Variants in DKK2 observed in about 807,000 individuals in gnomAD.
The protein encoded by DKK2 is dickkopf-related protein 2.
In DKK2, 11 loss-of-function variants were observed where a neutral mutation model predicts 28.1. The observed-to-expected ratio is 0.39, with a 90% confidence interval of 0.25 to 0.65. The LOEUF (loss-of-function observed/expected upper bound fraction) is 0.65, where lower values mean the gene tolerates loss of function less well. Among genes scored for constraint, DKK2 ranks in the 30% least tolerant of loss-of-function variants. The pLI is 0.47. For missense variants in DKK2, 326 were observed against 335.5 expected (o/e 0.97, Z 0.22); for synonymous variants, 135 against 126.5 (o/e 1.07, Z -0.45).
Position 107,035,654 on chromosome 4 carries a change from G to C in DKK2, c.-63C>G. 1 of 1,580,422 alleles carries C rather than the reference G, an allele frequency of 6.3e-7. No individual in the cohort carries two copies. Reference sequence around the variant, plus strand: ...GGAGGGGTGGGAATGCAAAGGGAGGGAGGACCCCAACACGGGGCCCCTCAC... The same window carrying C: ...GGAGGGGTGGGAATGCAAAGGGAGGCAGGACCCCAACACGGGGCCCCTCAC... On this transcript the variant is annotated 5_prime_UTR_variant, in exon 1 of 4. Coordinates refer to ENST00000285311, the MANE Select transcript of DKK2 (RefSeq NM_014421.3).
intron 1 of DKK2, among the ~76,000 whole-genome samples, chr4:106,958,337 T>C (rs1722633108): frequency 6.6e-6 from 1 of 152,032 alleles, no homozygotes; most frequent in African/African-American, 2.4e-5. Flanking sequence ...TTACCCATAA[T>C]TTACAAGATT....
At chr4:107,023,475 A>T (rs935167325) in intron 1 of DKK2, among the ~76,000 whole-genome samples, 12 of 152,108 alleles carry the variant, frequency 7.9e-5, no homozygotes, top group Non-Finnish European at 1.3e-4. Context: ...AATATCAGGC[A>T]TTAGAGAGGA....
At chr4:106,983,394 A>G (rs1217857325) in intron 1 of DKK2, among the ~76,000 whole-genome samples, 2 of 151,898 alleles carry the variant, frequency 1.3e-5, no homozygotes, top group Admixed American at 1.3e-4. Flanking sequence ...GAAAAGAAAA[A>G]GAAAAAACTT....
chr4:106,971,181 T>C (rs1722863244), intron 1 of DKK2, among the ~76,000 whole-genome samples: 1 of 152,096 alleles, frequency 6.6e-6, no homozygotes, highest in African/African-American at 2.4e-5. Context: ...ACTTTGGAGA[T>C]ATACAGGATC....
chr4:106,968,196 G>A (rs535347382), intron 1 of DKK2, among the ~76,000 whole-genome samples: 1 of 152,004 alleles, frequency 6.6e-6, no homozygotes, highest in African/African-American at 2.4e-5. Flanking sequence ...TAGGCAGAGA[G>A]GGAAAAAGGG....
chr4:107,035,865 C>T lies in DKK2; in HGVS notation c.-274G>A. 1 of 498,634 alleles carries T rather than the reference C, an allele frequency of 2.0e-6. No homozygotes were observed. Among genetic ancestry groups the T allele is most frequent in the South Asian group, 2.3e-5 (1 of 43,446 alleles). 30.9% of individuals were successfully genotyped at this position (498,634 alleles called of 1,614,324 possible). A position where few individuals can be genotyped will look rare whatever the true frequency, so the allele number is the denominator to read the frequency against. ...AATCAAATGCGAGGCGCTTTCTCGCCAAGGAGGCGTGACCCAAGGTGCAAG... is the reference window on the plus strand; with the variant it reads ...AATCAAATGCGAGGCGCTTTCTCGCTAAGGAGGCGTGACCCAAGGTGCAAG... On this transcript the variant is annotated 5_prime_UTR_variant, in exon 1 of 4. Coordinates refer to ENST00000285311, the MANE Select transcript of DKK2 (RefSeq NM_014421.3).
At chr4:106,939,986 G>A (rs1359220941) in intron 1 of DKK2, among the ~76,000 whole-genome samples, 2 of 152,102 alleles carry the variant, frequency 1.3e-5, no homozygotes, top group African/African-American at 2.4e-5. Context: ...TTAAACGTTA[G>A]ACCTAAAACC....
chr4:106,933,012 C>G (rs1055667823), intron 1 of DKK2, among the ~76,000 whole-genome samples: 1 of 152,142 alleles, frequency 6.6e-6, no homozygotes, highest in Non-Finnish European at 1.5e-5. Context: ...TTTCTGAATT[C>G]AGCAGTGTTT....
rs150111822 is a variant in DKK2 at position 106,924,223 on chromosome 4, A to G, written c.530-19T>C. 4,192 of 1,613,070 alleles carry G rather than the reference A, an allele frequency of 2.6e-3. 8 individuals carry two copies. The highest frequency in any genetic ancestry group is 3.4e-3 in the Non-Finnish European group (3,999 of 1,179,468). On this transcript the variant is annotated intron_variant, in intron 3 of 3. Transcript: ENST00000285311. ...TCATGCCCTGCAGAGATGATGACCA[A>G]TAGATGTTACCCTGACACTTCAGAA...
chr4:107,027,430 T>C (rs1560595004), intron 1 of DKK2, among the ~76,000 whole-genome samples: 2 of 151,106 alleles, frequency 1.3e-5, no homozygotes, highest in African/African-American at 2.4e-5. Context: ...AATATTTCAA[T>C]TTACCTAAAT....
intron 1 of DKK2, among the ~76,000 whole-genome samples, chr4:106,991,020 T>G (rs549949843): frequency 6.6e-6 from 1 of 152,110 alleles, no homozygotes; most frequent in East Asian, 1.9e-4. Flanking sequence ...AGATGAAAAA[T>G]TTTTGTTCTG....
At chr4:106,956,327 C>A (rs1441290458) in intron 1 of DKK2, among the ~76,000 whole-genome samples, 1 of 152,078 alleles carries the variant, frequency 6.6e-6, no homozygotes, top group African/African-American at 2.4e-5. Context: ...CCATACTGCC[C>A]AAGGTAATTT....
chr4:106,935,534 G>T (rs1440739332), intron 1 of DKK2, among the ~76,000 whole-genome samples: 1 of 152,224 alleles, frequency 6.6e-6, no homozygotes, highest in Non-Finnish European at 1.5e-5. Flanking sequence ...CAGCGAGGCT[G>T]GGTGAGGGGC....
intron 1 of DKK2, among the ~76,000 whole-genome samples, chr4:107,009,084 G>A (rs1578376844): frequency 6.6e-6 from 1 of 151,794 alleles, no homozygotes; most frequent in African/African-American, 2.4e-5. Context: ...ATAGAACCAG[G>A]TATATCTTCT....
At chr4:106,933,362 A>G (rs1456596875) in intron 1 of DKK2, among the ~76,000 whole-genome samples, 1 of 152,206 alleles carries the variant, frequency 6.6e-6, no homozygotes, top group Non-Finnish European at 1.5e-5. Context: ...CTCACTGACA[A>G]TAACAACAAT....
chr4:106,924,122 G>A lies in DKK2; in HGVS notation c.612C>T (p.Cys204=), dbSNP rs749361395. ...CCARHFWTKI[C]KPVLHQGEVC... ...CTTCCCCCTGATGGAGCACTGGTTT[G>A]CAGATTTTGGTCCAGAAATGACGAG... Residue 204 remains cysteine, a synonymous_variant, in exon 4 of 4, where the codon TGC becomes TGT. Coordinates refer to ENST00000285311, the MANE Select transcript of DKK2 (RefSeq NM_014421.3). 3.1e-6 allele frequency: 5 copies of A among 1,613,880 alleles called. No individual in the cohort carries two copies. The Admixed American group carries it at 8.3e-5, about 27-fold the overall frequency.
At chr4:106,934,901 G>C (rs572936039) in intron 1 of DKK2, among the ~76,000 whole-genome samples, 1 of 152,102 alleles carries the variant, frequency 6.6e-6, no homozygotes, top group East Asian at 1.9e-4. Flanking sequence ...ATTATAAAAT[G>C]TTCCCATTTT....
At chr4:106,973,904 A>C (rs1400299303) in intron 1 of DKK2, among the ~76,000 whole-genome samples, 1 of 152,134 alleles carries the variant, frequency 6.6e-6, no homozygotes, top group Admixed American at 6.5e-5. Flanking sequence ...TCTTGAGTTA[A>C]TTTTTGTATA....
intron 1 of DKK2, among the ~76,000 whole-genome samples, chr4:106,979,335 A>G (rs773684725): frequency 7.2e-5 from 11 of 152,200 alleles, no homozygotes; most frequent in Non-Finnish European, 1.2e-4. Flanking sequence ...ACAAAGGTTA[A>G]ATAAAACTCC....
Sources: allele counts gnomAD v4.1 joint callset (sites outside exome capture counted in the v4.1 genomes callset), GRCh38; gene constraint gnomAD v4.1.1; transcripts MANE v1.5; gene names NCBI Gene and HGNC (gene_info 2026-07-23, HGNC 2026-07-21).